Variants in ADCY8 observed in about 807,000 individuals in gnomAD.
ADCY8 encodes the protein adenylate cyclase type 8.
Under a neutral mutation model 119.7 loss-of-function variants are expected in ADCY8, and 51 were observed. The ratio of observed to expected loss-of-function variants is 0.43; its 90% CI spans 0.34 to 0.54. ADCY8 has a LOEUF of 0.54. ADCY8 is among the 20% of genes least tolerant of loss of function. The pLI, the probability that ADCY8 is intolerant of heterozygous loss-of-function variation, is 0.03. For synonymous variants in ADCY8, 665 were observed against 651.0 expected (o/e 1.02, Z -0.33); for missense variants, 1,383 against 1,598.8 (o/e 0.87, Z 2.30).
At chr8:130,941,140 TAAG>T (rs1820943191) in intron 4 of ADCY8, among the ~76,000 whole-genome samples, 1 of 152,218 alleles carries the variant, frequency 6.6e-6, no homozygotes, top group South Asian at 2.1e-4. Context: ...TGTAATCACG[TAAG>T]TAGTACGTGA....
intron 6 of ADCY8, 138 bp downstream of exon 6, chr8:130,909,570 T>G (rs1819909958): frequency 9.9e-7 from 1 of 1,013,186 alleles, no homozygotes; most frequent in Non-Finnish European, 1.5e-6. Flanking sequence ...AATAGTTGTA[T>G]GATGTTTCAG....
At chr8:130,986,595 G>A (rs1349934150) in intron 2 of ADCY8, among the ~76,000 whole-genome samples, 2 of 152,204 alleles carry the variant, frequency 1.3e-5, no homozygotes, top group East Asian at 3.9e-4. Context: ...ACAAAAGCAA[G>A]CCTCCTGGAG....
At chr8:130,941,542 C>T (rs1446181622) in intron 4 of ADCY8, among the ~76,000 whole-genome samples, 1 of 152,130 alleles carries the variant, frequency 6.6e-6, no homozygotes, top group African/African-American at 2.4e-5. Context: ...TGATACCAAC[C>T]ACCACTGATG....
chr8:130,907,283 G>A (rs66764905), intron 6 of ADCY8, among the ~76,000 whole-genome samples: 16,691 of 152,044 alleles, frequency 0.11, 950 homozygotes, highest in Non-Finnish European at 0.12. Flanking sequence ...AAACTCTCGG[G>A]TAATTCCAAG....
intron 2 of ADCY8, among the ~76,000 whole-genome samples, chr8:130,989,629 T>C (rs1337248191): frequency 6.6e-6 from 1 of 152,192 alleles, no homozygotes; most frequent in Admixed American, 6.5e-5. Flanking sequence ...CAACACATAC[T>C]TGATATTCCT....
intron 2 of ADCY8, among the ~76,000 whole-genome samples, chr8:130,967,946 T>G (rs1821810423): frequency 6.6e-6 from 1 of 152,132 alleles, no homozygotes; most frequent in South Asian, 2.1e-4. Context: ...ACTTAACCTC[T>G]CCAAACCTCA....
At chr8:130,966,149 AG>A (rs1253258881) in intron 2 of ADCY8, among the ~76,000 whole-genome samples, 1 of 152,222 alleles carries the variant, frequency 6.6e-6, no homozygotes, top group Non-Finnish European at 1.5e-5. Context: ...GGAACAAAAG[AG>A]TCTGCATGAC....
At chr8:130,962,663 T>C (rs1586610495) in intron 2 of ADCY8, among the ~76,000 whole-genome samples, 1 of 152,346 alleles carries the variant, frequency 6.6e-6, no homozygotes, top group East Asian at 1.9e-4. Flanking sequence ...CAAATGCTTA[T>C]AGCAGTGAAG....
chr8:130,941,421 G>T (rs928211208), intron 4 of ADCY8, among the ~76,000 whole-genome samples: 20 of 152,262 alleles, frequency 1.3e-4, no homozygotes, highest in Non-Finnish European at 2.5e-4. Flanking sequence ...CACCAGAAAT[G>T]CACCTTAATC....
intron 1 of ADCY8, among the ~76,000 whole-genome samples, chr8:131,035,406 G>A (rs1824122331): frequency 6.6e-6 from 1 of 152,152 alleles, no homozygotes; most frequent in Non-Finnish European, 1.5e-5. Context: ...CTCTTTGTTG[G>A]GTGGGAAGTC....
chr8:131,024,616 A>G (rs1823769089), intron 1 of ADCY8, among the ~76,000 whole-genome samples: 1 of 152,246 alleles, frequency 6.6e-6, no homozygotes, highest in South Asian at 2.1e-4. Flanking sequence ...GAGATAGGCA[A>G]GTGCCATGAA....
At chr8:130,832,615 A>T (rs370437634) in intron 12 of ADCY8, among the ~76,000 whole-genome samples, 4 of 152,274 alleles carry the variant, frequency 2.6e-5, no homozygotes, top group Non-Finnish European at 2.9e-5. Flanking sequence ...GAGTAAGGCA[A>T]TAGAAGACTA....
chr8:130,826,727 A>C (rs1816678464), intron 12 of ADCY8, among the ~76,000 whole-genome samples: 2 of 152,104 alleles, frequency 1.3e-5, no homozygotes, highest in African/African-American at 4.8e-5. Context: ...CAGATGCCAG[A>C]AAGCGGAAAC....
chr8:131,012,603 G>A (rs750590308), intron 1 of ADCY8, among the ~76,000 whole-genome samples: 2 of 152,150 alleles, frequency 1.3e-5, no homozygotes, highest in African/African-American at 2.4e-5. Flanking sequence ...GTCCTCCTAG[G>A]ATTGCTTCTG....
intron 1 of ADCY8, among the ~76,000 whole-genome samples, chr8:131,032,726 C>T (rs956773203): frequency 5.9e-5 from 9 of 152,162 alleles, no homozygotes; most frequent in African/African-American, 2.2e-4. Context: ...AGTGACCTGA[C>T]TTCTTAAAAT....
intron 11 of ADCY8, among the ~76,000 whole-genome samples, chr8:130,838,517 C>A (rs1817054898): frequency 1.0e-5 from 1 of 96,122 alleles, no homozygotes; most frequent in Non-Finnish European, 2.8e-5. Context: ...ACTCTAAGGC[C>A]CTCCAGTTTG....
chr8:130,885,177 C>T (rs987081167), intron 7 of ADCY8, among the ~76,000 whole-genome samples: 2 of 151,656 alleles, frequency 1.3e-5, no homozygotes, highest in Admixed American at 6.6e-5. Context: ...TTTCGTGTGA[C>T]CTTTCATTTA....
intron 12 of ADCY8, among the ~76,000 whole-genome samples, chr8:130,823,330 C>A (rs1299593746): frequency 2.0e-5 from 3 of 152,124 alleles, no homozygotes; most frequent in African/African-American, 7.2e-5. Flanking sequence ...AGTAAGTCAG[C>A]CAGGCTGAGG....
intron 1 of ADCY8, among the ~76,000 whole-genome samples, chr8:131,019,787 A>G (rs1823594462): frequency 6.7e-6 from 1 of 150,150 alleles, no homozygotes; most frequent in Non-Finnish European, 1.5e-5. Flanking sequence ...CAGAAAACAC[A>G]TGGAACAAAT....
Sources: gnomAD v4.1 joint callset for allele counts (sites outside exome capture counted in the v4.1 genomes callset) on GRCh38, gnomAD v4.1.1 for gene constraint, MANE v1.5 for transcripts, NCBI Gene and HGNC (gene_info 2026-07-23, HGNC 2026-07-21) for gene names.